The following SRGAP1 variants were observed in gnomAD, a reference collection of about 807,000 sequenced individuals.
SRGAP1 encodes SLIT-ROBO Rho GTPase activating protein 1.
A neutral mutation model predicts 121.9 loss-of-function variants in SRGAP1; 43 were observed. The observed-to-expected ratio is 0.35, with a 90% CI of 0.28 to 0.46. The LOEUF is 0.46. SRGAP1 is among the 20% of genes least tolerant of loss of function. The pLI, the probability that SRGAP1 is intolerant of heterozygous loss-of-function variation, is 1.00. For missense variants in SRGAP1, 1,102 were observed against 1,350.9 expected, an observed-to-expected ratio of 0.82 and a Z score of 2.89; for synonymous variants, 447 against 485.4, an observed-to-expected ratio of 0.92 and a Z score of 1.04.
intron 4 of SRGAP1, among the ~76,000 whole-genome samples, chr12:64,022,792 A>G (rs1475485015): frequency 6.6e-6 from 1 of 152,200 alleles, no homozygotes; most frequent in Admixed American, 6.5e-5. Context: ...AGCATTTTGC[A>G]TGCTTGCTGA....
intron 1 of SRGAP1, among the ~76,000 whole-genome samples, chr12:63,961,176 G>A (rs1308981952): frequency 6.6e-6 from 1 of 152,020 alleles, no homozygotes; most frequent in Non-Finnish European, 1.5e-5. Flanking sequence ...CCATTTTCTA[G>A]CCATACCACG....
In SRGAP1 at chr12:64,143,102, A is replaced by G. The variant is rs370553648; in HGVS notation, c.*430A>G. The G allele has an allele frequency of 1.2e-5, 2 of 171,184 alleles. No homozygotes were observed. Among genetic ancestry groups the G allele is most frequent in the African/African-American group, 4.8e-5 (2 of 42,090 alleles). The allele number at this position is 171,184 out of a possible 1,614,324, so 10.6% of individuals were successfully genotyped here. A position where few individuals can be genotyped will look rare whatever the true frequency, so the allele number is the denominator to read the frequency against. ...GTGGCACTTGGGCTGAAAGGTGATA[A>G]TGGCATTGCGTGGTAGCTGACAATG... On this transcript the variant is annotated 3_prime_UTR_variant, in exon 22 of 22. Transcript: ENST00000355086.
intron 1 of SRGAP1, among the ~76,000 whole-genome samples, chr12:63,949,619 G>A (rs1482447758): frequency 1.3e-5 from 2 of 151,812 alleles, no homozygotes; most frequent in Non-Finnish European, 2.9e-5. Context: ...GGTAGAGACG[G>A]TGTTTCACCG....
chr12:63,896,936 T>G (rs1418930979), intron 1 of SRGAP1, among the ~76,000 whole-genome samples: 1 of 152,174 alleles, frequency 6.6e-6, no homozygotes, highest in Non-Finnish European at 1.5e-5. Flanking sequence ...TTACCCTGGG[T>G]TTCGTTCCCA....
intron 1 of SRGAP1, among the ~76,000 whole-genome samples, chr12:63,885,432 A>G (rs914406045): frequency 1.3e-5 from 2 of 152,190 alleles, no homozygotes; most frequent in African/African-American, 2.4e-5. Context: ...CTACATGTTC[A>G]GCTGTCCAGA....
chr12:64,118,744 G>A (rs1449220254), intron 18 of SRGAP1, among the ~76,000 whole-genome samples: 1 of 142,442 alleles, frequency 7.0e-6, no homozygotes, highest in African/African-American at 3.0e-5. Flanking sequence ...TTTATTTAGA[G>A]ATGGAGTCTG....
intron 10 of SRGAP1, chr12:64,082,001 C>CTTTTTTTTTT: frequency 1.8e-4 from 12 of 66,124 alleles, no homozygotes; most frequent in African/African-American, 6.5e-4. Context: ...CATGTAAGGT[C>CTTTTTTTTTT]TTTTTTTTTT....
At chr12:63,981,767 G>A (rs1294528971) in intron 1 of SRGAP1, among the ~76,000 whole-genome samples, 2 of 152,136 alleles carry the variant, frequency 1.3e-5, no homozygotes, top group Non-Finnish European at 2.9e-5. Flanking sequence ...ATTCTTCCCT[G>A]TTTTCCCCCA....
At chr12:64,013,544 T>C (rs1199201674) in intron 3 of SRGAP1, among the ~76,000 whole-genome samples, 1 of 152,172 alleles carries the variant, frequency 6.6e-6, no homozygotes, top group Non-Finnish European at 1.5e-5. Flanking sequence ...GAAACTTTGG[T>C]GCTGTGTCAT....
chr12:63,855,658 T>C lies in SRGAP1; in HGVS notation c.67+10775T>C, dbSNP rs112949700. Reference sequence around the variant, plus strand: ...GTGCACCACCACACCCGGCTGATTTTTGTATTTTTTAGTAGAGACGGAGTT... The same window carrying C: ...GTGCACCACCACACCCGGCTGATTTCTGTATTTTTTAGTAGAGACGGAGTT... On this transcript the variant is annotated intron_variant, in intron 1 of 21. Transcript: ENST00000355086. 3.3e-5 allele frequency among the ~76,000 whole-genome samples: 5 copies of C among 151,830 alleles called. 1 individual carries two copies. Among genetic ancestry groups the C allele is most frequent in the African/African-American group, 1.2e-4 (5 of 41,448 alleles).
chr12:63,959,463 C>A (rs922157402), intron 1 of SRGAP1, among the ~76,000 whole-genome samples: 1 of 152,136 alleles, frequency 6.6e-6, no homozygotes, highest in African/African-American at 2.4e-5. Flanking sequence ...CTCAAGAAAT[C>A]CAATTCAGCT....
At chr12:63,943,550 G>A (rs1272896599) in intron 1 of SRGAP1, among the ~76,000 whole-genome samples, 1 of 152,222 alleles carries the variant, frequency 6.6e-6, no homozygotes, top group Non-Finnish European at 1.5e-5. Flanking sequence ...TAAGTGGTAA[G>A]AAATTTGAAC....
At chr12:63,905,415 C>T (rs1172484562) in intron 1 of SRGAP1, among the ~76,000 whole-genome samples, 1 of 152,110 alleles carries the variant, frequency 6.6e-6, no homozygotes, top group Non-Finnish European at 1.5e-5. Context: ...ACAGTAATAT[C>T]GGATGGTCCA....
intron 18 of SRGAP1, 89 bp from the exon 19 acceptor site, chr12:64,125,888 A>G: frequency 1.5e-6 from 2 of 1,355,832 alleles, no homozygotes; most frequent in Non-Finnish European, 2.0e-6. Context: ...GGTCTTGATC[A>G]TTTGAAGCCT....
chr12:64,011,793 GT>G (rs2034260068), intron 3 of SRGAP1, among the ~76,000 whole-genome samples: 1 of 152,124 alleles, frequency 6.6e-6, no homozygotes, highest in Admixed American at 6.5e-5. Context: ...TTAGACCTAT[GT>G]TTAAATAAAC....
chr12:64,061,210 TC>T (rs1375934258), intron 6 of SRGAP1, among the ~76,000 whole-genome samples: 9 of 152,186 alleles, frequency 5.9e-5, no homozygotes, highest in Non-Finnish European at 1.2e-4. Context: ...GCTGTTATAT[TC>T]CTAGGAATAC....
At chr12:64,016,125 G>C (rs533337640) in intron 3 of SRGAP1, among the ~76,000 whole-genome samples, 1 of 152,174 alleles carries the variant, frequency 6.6e-6, no homozygotes, top group Admixed American at 6.5e-5. Context: ...GATGGACCTT[G>C]AGTGGACTTA....
intron 1 of SRGAP1, chr12:63,871,827 C>G: frequency 7.1e-7 from 1 of 1,402,568 alleles, no homozygotes; most frequent in Non-Finnish European, 1.0e-6. Flanking sequence ...CCTCTTGGAT[C>G]TGCAGTTAGG....
chr12:64,070,915 C>T (rs1373516400), intron 8 of SRGAP1, among the ~76,000 whole-genome samples: 1 of 152,136 alleles, frequency 6.6e-6, no homozygotes, highest in African/African-American at 2.4e-5. Context: ...GGGGGATTCT[C>T]AAGTTCTTTT....
Sources: allele counts gnomAD v4.1 joint callset (sites outside exome capture counted in the v4.1 genomes callset), GRCh38; gene constraint gnomAD v4.1.1; transcripts MANE v1.5; gene names NCBI Gene and HGNC (gene_info 2026-07-23, HGNC 2026-07-21).